Variants in HTR1F observed in about 807,000 individuals in gnomAD.
The protein encoded by HTR1F is 5-hydroxytryptamine (serotonin) receptor 1F, G protein-coupled.
A neutral mutation model predicts 24.0 loss-of-function variants in HTR1F; 17 were observed. That is an observed-to-expected ratio of 0.71 (90% confidence interval 0.48 to 1.06). HTR1F has a LOEUF of 1.06. HTR1F is among the 50% of genes least tolerant of loss of function. HTR1F has a pLI of 0.00. For synonymous variants in HTR1F, 186 were observed against 156.8 expected (o/e 1.19, Z -1.39); for missense variants, 391 against 427.8 (o/e 0.91, Z 0.76).
intron 2 of HTR1F, among the ~76,000 whole-genome samples, chr3:87,846,882 C>T (rs558462706): frequency 6.8e-4 from 103 of 151,896 alleles, no homozygotes; most frequent in Non-Finnish European, 1.3e-3. Flanking sequence ...TTCTAGCAGA[C>T]AGTGAAATGT....
At chr3:87,898,361 G>C (rs1008612519) in intron 2 of HTR1F, among the ~76,000 whole-genome samples, 13 of 152,096 alleles carry the variant, frequency 8.5e-5, no homozygotes, top group Non-Finnish European at 1.6e-4. Context: ...GAAATCTCTT[G>C]AGGCCTTGGG....
chr3:87,810,849 CCA>C (rs1704148333), intron 1 of HTR1F, among the ~76,000 whole-genome samples: 1 of 152,162 alleles, frequency 6.6e-6, no homozygotes, highest in African/African-American at 2.4e-5. Flanking sequence ...GAAGAAGAAA[CCA>C]CAGTTACTTT....
At chr3:87,940,391 C>A (rs1704540130) in intron 2 of HTR1F, among the ~76,000 whole-genome samples, 1 of 152,120 alleles carries the variant, frequency 6.6e-6, no homozygotes, top group African/African-American at 2.4e-5. Context: ...AAGTGCATTC[C>A]CATTCACAGT....
chr3:87,918,981 TA>T (rs1354703947), intron 2 of HTR1F, among the ~76,000 whole-genome samples: 14 of 152,002 alleles, frequency 9.2e-5, no homozygotes, highest in South Asian at 2.1e-4. Context: ...AACTATATTG[TA>T]AGGCTGTAGT....
chr3:87,966,538 G>A (rs1404000997), intron 2 of HTR1F, among the ~76,000 whole-genome samples: 1 of 152,144 alleles, frequency 6.6e-6, no homozygotes, highest in Admixed American at 6.5e-5. Flanking sequence ...TTTGCATTGT[G>A]ATTTCTTAAC....
intron 2 of HTR1F, among the ~76,000 whole-genome samples, chr3:87,828,878 T>A (rs1365675136): frequency 3.3e-5 from 5 of 152,176 alleles, no homozygotes; most frequent in African/African-American, 9.7e-5. Flanking sequence ...TATGTCATAC[T>A]TTACCAAATC....
intron 2 of HTR1F, among the ~76,000 whole-genome samples, chr3:87,912,867 G>A (rs1703810707): frequency 6.6e-6 from 1 of 152,056 alleles, no homozygotes. Flanking sequence ...AAATTGTGCT[G>A]GAATAACTGG....
At chr3:87,795,058 G>A (rs1703881944) in intron 1 of HTR1F, among the ~76,000 whole-genome samples, 1 of 135,254 alleles carries the variant, frequency 7.4e-6, no homozygotes, top group Admixed American at 8.4e-5. Flanking sequence ...CACAATCTCG[G>A]CTCACTGCAA....
At chr3:87,954,536 G>A (rs1373966865) in intron 2 of HTR1F, among the ~76,000 whole-genome samples, 1 of 151,648 alleles carries the variant, frequency 6.6e-6, no homozygotes, top group East Asian at 1.9e-4. Flanking sequence ...CTTCAACAAT[G>A]TAAAAGTAGA....
At chr3:87,953,368 A>G (rs1376285914) in intron 2 of HTR1F, among the ~76,000 whole-genome samples, 1 of 151,602 alleles carries the variant, frequency 6.6e-6, no homozygotes, top group African/African-American at 2.4e-5. Flanking sequence ...AAAAAAGAAA[A>G]GAAAATAGTG....
chr3:87,906,116 T>G (rs995972882), intron 2 of HTR1F, among the ~76,000 whole-genome samples: 7 of 152,100 alleles, frequency 4.6e-5, no homozygotes, highest in African/African-American at 1.7e-4. Flanking sequence ...AACGCTAAAT[T>G]GTCACTTGGG....
chr3:87,945,740 C>T (rs1329457387), intron 2 of HTR1F, among the ~76,000 whole-genome samples: 4 of 152,142 alleles, frequency 2.6e-5, no homozygotes, highest in Non-Finnish European at 4.4e-5. Context: ...TTTTAACTGG[C>T]TGAAGGGTGC....
At chr3:87,983,784 A>G (rs1210895967) in intron 2 of HTR1F, among the ~76,000 whole-genome samples, 2 of 152,226 alleles carry the variant, frequency 1.3e-5, no homozygotes, top group Non-Finnish European at 2.9e-5. Context: ...GAGTAAAAAA[A>G]CATAGACCAT....
chr3:87,803,755 A>G (rs909540353), intron 1 of HTR1F, among the ~76,000 whole-genome samples: 10 of 152,220 alleles, frequency 6.6e-5, no homozygotes, highest in Non-Finnish European at 1.5e-4. Context: ...ACAATGGAGT[A>G]GGTAGAAGAA....
intron 2 of HTR1F, among the ~76,000 whole-genome samples, chr3:87,911,079 C>A (rs1255769422): frequency 6.6e-6 from 1 of 151,568 alleles, no homozygotes; most frequent in African/African-American, 2.4e-5. Context: ...GAAGCAAAAG[C>A]AAACCAAAAA....
intron 2 of HTR1F, among the ~76,000 whole-genome samples, chr3:87,847,441 A>C (rs1323640240): frequency 6.6e-6 from 1 of 151,860 alleles, no homozygotes; most frequent in East Asian, 1.9e-4. Context: ...ATGGGAGTAC[A>C]TGTGAGTGTT....
chr3:87,888,261 T>C (rs1192258855), intron 2 of HTR1F, among the ~76,000 whole-genome samples: 4 of 152,030 alleles, frequency 2.6e-5, no homozygotes, highest in African/African-American at 9.7e-5. Context: ...TAGGTGTGAA[T>C]TGAACAATGA....
At position 87,962,375 on chromosome 3, in the gene HTR1F, T is replaced by C. The variant is rs147737958; in HGVS notation, c.-42-28333T>C. Among the ~76,000 whole-genome samples the C allele has an allele frequency of 9.3e-3, 1,418 of 152,254 alleles. 7 individuals are homozygous for C. Among genetic ancestry groups the C allele is most frequent in the Non-Finnish European group, 0.013 (910 of 67,970 alleles). ...TTCAAACTGCAATTTATTTGTGTTA[T>C]GAATCAATAAATAGCTTTATTTGAA... On this transcript the variant is annotated intron_variant, in intron 2 of 2. Coordinates refer to ENST00000319595, the MANE Select transcript of HTR1F (RefSeq NM_001322209.2).
intron 2 of HTR1F, among the ~76,000 whole-genome samples, chr3:87,951,097 C>T (rs1462027456): frequency 6.6e-6 from 1 of 152,062 alleles, no homozygotes; most frequent in East Asian, 1.9e-4. Context: ...CAGGCAACCT[C>T]CGAAACTTGG....
Sources: gnomAD v4.1 joint callset for allele counts (sites outside exome capture counted in the v4.1 genomes callset) on GRCh38, gnomAD v4.1.1 for gene constraint, MANE v1.5 for transcripts, NCBI Gene and HGNC (gene_info 2026-07-23, HGNC 2026-07-21) for gene names.